The following MAGI1 variants were observed in gnomAD, a reference collection of about 807,000 sequenced individuals.
MAGI1 encodes membrane associated guanylate kinase, WW and PDZ domain containing 1, also known as membrane-associated guanylate kinase, WW and PDZ domain-containing protein 1.
A neutral mutation model predicts 139.9 loss-of-function variants in MAGI1; 58 were observed. The ratio of observed to expected loss-of-function variants is 0.41; its 90% CI spans 0.34 to 0.52. The LOEUF (loss-of-function observed/expected upper bound fraction) is 0.52, where lower values mean the gene tolerates loss of function less well. MAGI1 is among the 20% of genes least tolerant of loss of function. The pLI, the probability that MAGI1 is intolerant of heterozygous loss-of-function variation, is 0.12. For synonymous variants in MAGI1, 812 were observed against 737.9 expected (o/e 1.10, Z -1.63); for missense variants, 1,874 against 1,901.6 (o/e 0.99, Z 0.27).
intron 1 of MAGI1, among the ~76,000 whole-genome samples, chr3:65,737,654 G>C (rs2034887221): frequency 6.6e-6 from 1 of 152,150 alleles, no homozygotes. Context: ...CCAAGAGGCA[G>C]AAAATAAAGA....
At chr3:65,556,319 C>A (rs138808324) in intron 2 of MAGI1, among the ~76,000 whole-genome samples, 1 of 152,162 alleles carries the variant, frequency 6.6e-6, no homozygotes, top group Non-Finnish European at 1.5e-5. Context: ...AAAAATGCAA[C>A]ATGCTTTTGT....
intron 7 of MAGI1, among the ~76,000 whole-genome samples, chr3:65,445,085 C>CGTATGA (rs1360742179): frequency 6.6e-6 from 1 of 152,180 alleles, no homozygotes; most frequent in African/African-American, 2.4e-5. Context: ...AAGGAATCCT[C>CGTATGA]GTATGACTAA....
chr3:65,998,037 A>C (rs2066546663), intron 1 of MAGI1, among the ~76,000 whole-genome samples: 1 of 147,996 alleles, frequency 6.8e-6, no homozygotes, highest in Non-Finnish European at 1.5e-5. Context: ...CGGGAGGCAG[A>C]GGTTGCAGTG....
intron 2 of MAGI1, among the ~76,000 whole-genome samples, chr3:65,574,440 G>T (rs1444488213): frequency 2.6e-5 from 3 of 113,534 alleles, no homozygotes; most frequent in Admixed American, 9.1e-5. Flanking sequence ...GACCTGCATA[G>T]AAACTAAAAA....
intron 12 of MAGI1, 188 bp from the exon 13 acceptor site, chr3:65,401,658 A>G: frequency 6.5e-7 from 1 of 1,545,802 alleles, no homozygotes; most frequent in Non-Finnish European, 8.7e-7. Context: ...GGAGGAGGAG[A>G]GCGAGAGGCA....
At chr3:65,962,221 G>A (rs564937427) in intron 1 of MAGI1, among the ~76,000 whole-genome samples, 47 of 149,134 alleles carry the variant, frequency 3.2e-4, no homozygotes, top group African/African-American at 1.1e-3. Flanking sequence ...AGTGGTTCAC[G>A]CCATTCTCCT....
At chr3:65,649,087 A>G (rs954546254) in intron 1 of MAGI1, among the ~76,000 whole-genome samples, 3 of 152,294 alleles carry the variant, frequency 2.0e-5, no homozygotes, top group African/African-American at 7.2e-5. Flanking sequence ...ATATAAAACT[A>G]TAAAGTGTGT....
At chr3:65,862,225 T>C (rs1260912867) in intron 1 of MAGI1, among the ~76,000 whole-genome samples, 1 of 152,174 alleles carries the variant, frequency 6.6e-6, no homozygotes, top group Non-Finnish European at 1.5e-5. Context: ...AAAATCCTGG[T>C]TCTTCTCTCA....
At chr3:65,563,193 C>T (rs2080446824) in intron 2 of MAGI1, among the ~76,000 whole-genome samples, 1 of 152,174 alleles carries the variant, frequency 6.6e-6, no homozygotes, top group African/African-American at 2.4e-5. Context: ...TCCCTCCCCA[C>T]TTACATTTCA....
At chr3:65,681,233 C>T (rs910063400) in intron 1 of MAGI1, among the ~76,000 whole-genome samples, 2 of 152,200 alleles carry the variant, frequency 1.3e-5, no homozygotes, top group African/African-American at 4.8e-5. Flanking sequence ...AATTCTAAAT[C>T]CTTTCTCCCT....
At chr3:65,936,026 T>C (rs2063034194) in intron 1 of MAGI1, among the ~76,000 whole-genome samples, 1 of 152,174 alleles carries the variant, frequency 6.6e-6, no homozygotes, top group African/African-American at 2.4e-5. Context: ...AACAAATCAT[T>C]GGTTTTCTTT....
intron 2 of MAGI1, among the ~76,000 whole-genome samples, chr3:65,507,343 C>A (rs1054902727): frequency 2.0e-5 from 3 of 152,116 alleles, no homozygotes; most frequent in Non-Finnish European, 4.4e-5. Flanking sequence ...GATTTGGCAT[C>A]AAAAACTCAA....
intron 1 of MAGI1, among the ~76,000 whole-genome samples, chr3:65,834,648 G>T (rs1260815427): frequency 6.6e-6 from 1 of 152,162 alleles, no homozygotes; most frequent in African/African-American, 2.4e-5. Flanking sequence ...CTCTCTAGTT[G>T]TTCTATCAAT....
chr3:65,924,787 T>A (rs1576080857), intron 1 of MAGI1: 1 of 152,370 alleles, frequency 6.6e-6, no homozygotes, highest in South Asian at 2.1e-4. Flanking sequence ...GCCTACCTCA[T>A]AAGACTGTTG....
rs1283722693 is a variant in MAGI1 at position 65,354,691 on chromosome 3, A to G, written c.*1687T>C. The G allele has an allele frequency of 6.6e-6, 1 of 152,646 alleles. No homozygotes were observed. The highest frequency in any genetic ancestry group is 1.5e-5 in the Non-Finnish European group (1 of 68,046). The allele number at this position is 152,646 out of a possible 1,614,324, so 9.5% of individuals were successfully genotyped here. A position where few individuals can be genotyped will look rare whatever the true frequency, so the allele number is the denominator to read the frequency against. On this transcript the variant is annotated 3_prime_UTR_variant, in exon 23 of 23. Coordinates refer to ENST00000402939, the MANE Select transcript of MAGI1 (RefSeq NM_001033057.2). The stretch of plus-strand genomic sequence containing the variant: ...TTACATACCTGATTTAGTTTACATT[A>G]AAATATATCCCCATGAATCAATTTG...
intron 2 of MAGI1, among the ~76,000 whole-genome samples, chr3:65,621,077 G>T (rs923900186): frequency 3.9e-5 from 6 of 152,044 alleles, no homozygotes; most frequent in African/African-American, 1.4e-4. Flanking sequence ...ACGATACCTG[G>T]AACATTAAAT....
chr3:65,979,408 G>T (rs1453592642), intron 1 of MAGI1, among the ~76,000 whole-genome samples: 3 of 152,098 alleles, frequency 2.0e-5, no homozygotes, highest in African/African-American at 7.2e-5. Flanking sequence ...GGGACATGTG[G>T]TTTCAGCTAT....
chr3:65,912,955 T>C (rs1464970480), intron 1 of MAGI1, among the ~76,000 whole-genome samples: 2 of 152,188 alleles, frequency 1.3e-5, no homozygotes, highest in Non-Finnish European at 2.9e-5. Context: ...AACTTTTATC[T>C]AGTTTGATCT....
chr3:65,826,029 A>C (rs893425943), intron 1 of MAGI1, among the ~76,000 whole-genome samples: 4 of 152,086 alleles, frequency 2.6e-5, no homozygotes, highest in Non-Finnish European at 5.9e-5. Flanking sequence ...ATATATATAT[A>C]TGCATATGTA....
Sources: gnomAD v4.1 joint callset for allele counts (sites outside exome capture counted in the v4.1 genomes callset) on GRCh38, gnomAD v4.1.1 for gene constraint, MANE v1.5 for transcripts, NCBI Gene and HGNC (gene_info 2026-07-23, HGNC 2026-07-21) for gene names.